TNRC18: variants seen among roughly 807,000 people sequenced by gnomAD.
TNRC18 encodes trinucleotide repeat-containing gene 18 protein.
In TNRC18, 69 loss-of-function variants were observed where a neutral mutation model predicts 226.7. That is an observed-to-expected ratio of 0.30 (90% confidence interval 0.25 to 0.37). The LOEUF (loss-of-function observed/expected upper bound fraction) is 0.37. Ranked by LOEUF, TNRC18 falls within the 10% of genes least tolerant of loss-of-function variation. The pLI is 1.00. For synonymous variants in TNRC18, 2,449 were observed against 1,927.6 expected (o/e 1.27, Z -7.09); for missense variants, 4,754 against 4,256.6 (o/e 1.12, Z -3.25).
rs1562563419 is a variant in TNRC18 at position 5,370,455 on chromosome 7, T to G, written c.4139A>C (p.Glu1380Ala). 6.4e-7 allele frequency: 1 copy of G among 1,570,062 alleles called. No individual in the cohort carries two copies. The highest frequency in any genetic ancestry group is 2.4e-5 in the East Asian group (1 of 42,232). Residue 1380 changes from glutamate (E) to alanine (A), a missense_variant, in exon 11 of 30, where the codon GAG becomes GCG. Glu to Ala is a moderately radical substitution (Grantham distance 107). Transcript: ENST00000430969. ...GGTGATGCCATGCAGGAAGCTCTGC[T>G]CCAAGACAAGGCTCTCGGCTGCTTC... ...KLEAAESLVL[E>A]QSFLHGITLL...
At position 5,307,765 on chromosome 7, in the gene TNRC18, G is replaced by A. The variant is rs1049856597; in HGVS notation, c.*341C>T. On this transcript the variant is annotated 3_prime_UTR_variant, in exon 30 of 30. Coordinates refer to ENST00000430969, the MANE Select transcript of TNRC18 (RefSeq NM_001080495.3). ...AGTCTGCATGGACCTGGGGGCACCC[G>A]GGCCCCCACGCAGCAGCAGCCTGGA... is the stretch of plus-strand genomic sequence containing the variant. 8.1e-5 allele frequency: 31 copies of A among 381,554 alleles called. No homozygotes were observed. Among genetic ancestry groups the A allele is most frequent in the South Asian group, 2.9e-4 (13 of 44,116 alleles). The allele number at this position is 381,554 out of a possible 1,614,324, so 23.6% of individuals were successfully genotyped here.
intron 14 of TNRC18, among the ~76,000 whole-genome samples, chr7:5,361,353 GC>G (rs1793026749): frequency 6.6e-6 from 1 of 152,226 alleles, no homozygotes. Context: ...GACAGGTGAA[GC>G]GCTGGGTTAG....
chr7:5,387,752 T>C lies in TNRC18; in HGVS notation c.2072A>G (p.Gln691Arg). ...PVGIAVAVAR[Q>R]KDSGGSGRLG... ...CCGGCCACTGCCGCCACTGTCCTTC[T>C]GCCGGGCCACAGCCACTGCAATGCC... The change falls in exon 5 of 30, where the codon CAG (glutamine) becomes CGG (arginine). Residue 691 changes from glutamine to arginine, a missense_variant. Transcript: ENST00000430969. 6.2e-7 allele frequency: 1 copy of C among 1,607,634 alleles called. No individual in the cohort carries two copies. The highest frequency in any genetic ancestry group is 8.5e-7 in the Non-Finnish European group (1 of 1,179,794).
intron 18 of TNRC18, among the ~76,000 whole-genome samples, chr7:5,341,786 G>T (rs1368331553): frequency 1.4e-5 from 2 of 144,190 alleles, no homozygotes; most frequent in Admixed American, 6.9e-5. Flanking sequence ...AAAAAAAAGG[G>T]AATAACAAAG....
Position 5,370,770 on chromosome 7 carries a change from G to C in TNRC18, c.3824C>G (p.Pro1275Arg). 1 of 1,603,770 alleles carries C rather than the reference G, an allele frequency of 6.2e-7. No homozygotes were observed. Reference sequence around the variant, plus strand: ...TGCCACCTGCGCCAGGCCTTCCTCGGGCACTGCCTCCACCACGGGCACCGC... The same window carrying C: ...TGCCACCTGCGCCAGGCCTTCCTCGCGCACTGCCTCCACCACGGGCACCGC... ...PVAVPVVEAV[P>R]EEGLAQVAPS... Residue 1275 changes from proline to arginine, a missense_variant, in exon 11 of 30, where the codon CCC becomes CGC. Transcript: ENST00000430969.
chr7:5,384,944 A>C (rs1046023340), intron 5 of TNRC18, among the ~76,000 whole-genome samples: 26 of 152,266 alleles, frequency 1.7e-4, no homozygotes, highest in Non-Finnish European at 2.8e-4. Context: ...GATGAAGAGA[A>C]TTCCAAGACA....
At chr7:5,330,147 G>C (rs1379011235) in intron 19 of TNRC18, among the ~76,000 whole-genome samples, 1 of 152,122 alleles carries the variant, frequency 6.6e-6, no homozygotes, top group Admixed American at 6.6e-5. Flanking sequence ...GACCAGGCTG[G>C]TCTTGAACTC....
At chr7:5,344,668 T>G (rs1395209749) in intron 18 of TNRC18, among the ~76,000 whole-genome samples, 1 of 152,152 alleles carries the variant, frequency 6.6e-6, no homozygotes, top group East Asian at 1.9e-4. Context: ...CTACCCCTAC[T>G]GTGGCTCAGA....
intron 10 of TNRC18, among the ~76,000 whole-genome samples, chr7:5,373,611 C>T (rs1414448248): frequency 6.6e-6 from 1 of 152,192 alleles, no homozygotes; most frequent in African/African-American, 2.4e-5. Context: ...ACAGTCCCAG[C>T]CCCCAAAGCC....
At position 5,369,662 on chromosome 7, in the gene TNRC18, G is replaced by A. The variant is rs115284223; in HGVS notation, c.4219+713C>T. On this transcript the variant is annotated intron_variant, in intron 11 of 29. Transcript: ENST00000430969. ...AGGAAAAGAAAGACTTGGTTTCTTG[G>A]CTTGAACACCTAGATCCAGCCATAC... is the stretch of plus-strand genomic sequence containing the variant. 5.2e-3 allele frequency among the ~76,000 whole-genome samples: 795 copies of A among 152,242 alleles called. 3 individuals are homozygous for A. The highest frequency in any genetic ancestry group is 0.018 in the African/African-American group (755 of 41,540).
Position 5,371,027 on chromosome 7 carries a change from G to C in TNRC18, c.3567C>G (p.Thr1189=). 1 of 1,609,450 alleles carries C rather than the reference G, an allele frequency of 6.2e-7. No homozygotes were observed. The highest frequency in any genetic ancestry group is 1.1e-5 in the South Asian group (1 of 91,066). Residue 1189 remains threonine (T), a synonymous_variant, in exon 11 of 30, where the codon ACC becomes ACG. Coordinates refer to ENST00000430969, the MANE Select transcript of TNRC18 (RefSeq NM_001080495.3). ...CTCCACAACCCCCTGCAGGGCTGGGGGTAGCCATGGCTTCCGCGGCGGGCA... is the reference window on the plus strand; with the variant it reads ...CTCCACAACCCCCTGCAGGGCTGGGCGTAGCCATGGCTTCCGCGGCGGGCA... ...LPLPAAEAMA[T]PSPAGGCGGG... is the part of the protein sequence containing the mutation.
At chr7:5,350,947 C>T (rs149465576) in intron 17 of TNRC18, among the ~76,000 whole-genome samples, 2 of 152,158 alleles carry the variant, frequency 1.3e-5, no homozygotes, top group Non-Finnish European at 2.9e-5. Context: ...CCCTTCAAAA[C>T]AGAAATACAC....
intron 8 of TNRC18, among the ~76,000 whole-genome samples, chr7:5,376,565 A>C (rs1263881135): frequency 6.6e-6 from 1 of 152,092 alleles, no homozygotes; most frequent in Non-Finnish European, 1.5e-5. Context: ...TACAAGGTGG[A>C]TTCCTGGGGA....
chr7:5,342,913 A>G (rs1790822841), intron 18 of TNRC18, among the ~76,000 whole-genome samples: 1 of 152,206 alleles, frequency 6.6e-6, no homozygotes, highest in African/African-American at 2.4e-5. Flanking sequence ...ACTGTCAGCA[A>G]CCACCACCCT....
In TNRC18 at chr7:5,307,666, G is replaced by GCTAAGGGTGC; in HGVS notation, c.*430_*439dup. 2.8e-6 allele frequency: 1 copy of GCTAAGGGTGC among 354,880 alleles called. No homozygotes were observed. Among genetic ancestry groups the GCTAAGGGTGC allele is most frequent in the South Asian group, 2.0e-5 (1 of 49,058 alleles). 22.0% of individuals were successfully genotyped at this position (354,880 alleles called of 1,614,324 possible). Reference sequence around the variant, plus strand: ...TGGGAGGCCTTGGGGTGGGCTCCATGCTAAGGGTGCTTGGGAAGCCCAGAG... The same window carrying GCTAAGGGTGC: ...TGGGAGGCCTTGGGGTGGGCTCCATGCTAAGGGTGCCTAAGGGTGCTTGGGAAGCCCAGAG... On this transcript the variant is annotated 3_prime_UTR_variant, in exon 30 of 30. Transcript: ENST00000430969.
intron 2 of TNRC18, among the ~76,000 whole-genome samples, chr7:5,405,611 C>T (rs4720627): frequency 0.15 from 22,260 of 151,872 alleles, 3,145 homozygotes; most frequent in African/African-American, 0.37. Context: ...GACATGGTAG[C>T]TTGTGCCTGT....
Position 5,394,111 on chromosome 7 carries a change from A to T in TNRC18, c.343+329T>A, listed in dbSNP as rs1441572678. ...GGCTCACTCCGGTGGGAAAGCGGGT[A>T]GTTCATGAATGATGAGATAATCTGT... is the stretch of plus-strand genomic sequence containing the variant. On this transcript the variant is annotated intron_variant, in intron 3 of 29. Transcript: ENST00000430969. This position sits in a 1 kb window ranked among gnomAD's most constrained non-coding sequence, Gnocchi z 4.5. Among the ~76,000 whole-genome samples the T allele has an allele frequency of 6.6e-6, 1 of 152,138 alleles. No homozygotes were observed. Among genetic ancestry groups the T allele is most frequent in the Non-Finnish European group, 1.5e-5 (1 of 68,024 alleles).
intron 2 of TNRC18, among the ~76,000 whole-genome samples, chr7:5,408,402 C>T (rs1005751653): frequency 6.6e-6 from 1 of 151,996 alleles, no homozygotes; most frequent in Non-Finnish European, 1.5e-5. Flanking sequence ...AATCCCAGCA[C>T]TTAGGGAGCC....
intron 10 of TNRC18, among the ~76,000 whole-genome samples, chr7:5,372,983 AC>A (rs946050080): frequency 1.3e-5 from 2 of 151,900 alleles, no homozygotes; most frequent in African/African-American, 4.8e-5. Context: ...ACATGGAGAA[AC>A]CCCGTCTCTA....
Sources: gnomAD v4.1 joint callset for allele counts (sites outside exome capture counted in the v4.1 genomes callset) on GRCh38, gnomAD v4.1.1 for gene constraint, Gnocchi (gnomAD v3.1) non-coding constraint, MANE v1.5 for transcripts, NCBI Gene and HGNC (gene_info 2026-07-23, HGNC 2026-07-21) for gene names.